AGPAT3: variants seen among roughly 807,000 people sequenced by gnomAD.
AGPAT3 encodes the protein 1-acyl-sn-glycerol-3-phosphate acyltransferase gamma.
Under a neutral mutation model 47.3 loss-of-function variants are expected in AGPAT3, and 5 were observed. The observed-to-expected ratio is 0.11, with a 90% CI of 0.06 to 0.22. AGPAT3 has a LOEUF of 0.22. Among genes scored for constraint, AGPAT3 ranks in the 10% least tolerant of loss-of-function variants. The pLI, the probability that AGPAT3 is intolerant of heterozygous loss-of-function variation, is 1.00. For missense variants in AGPAT3, 315 were observed against 493.0 expected, an observed-to-expected ratio of 0.64 and a Z score of 3.42; for synonymous variants, 212 against 208.3, an observed-to-expected ratio of 1.02 and a Z score of -0.15.
intron 2 of AGPAT3, among the ~76,000 whole-genome samples, chr21:43,943,222 C>T (rs769448436): frequency 2.0e-5 from 3 of 152,056 alleles, no homozygotes; most frequent in Non-Finnish European, 4.4e-5. Flanking sequence ...CTACAGGTGC[C>T]GGCCACCACG....
At chr21:43,909,388 C>T (rs551313538) in intron 2 of AGPAT3, among the ~76,000 whole-genome samples, 34 of 151,804 alleles carry the variant, frequency 2.2e-4, no homozygotes, top group African/African-American at 8.0e-4. Context: ...CTCCGTCTCC[C>T]GGGTTCACGC....
chr21:43,913,842 A>T (rs1340390719), intron 2 of AGPAT3, among the ~76,000 whole-genome samples: 1 of 152,212 alleles, frequency 6.6e-6, no homozygotes. Flanking sequence ...CGAGGTCGAG[A>T]GACCTCTAAT....
intron 2 of AGPAT3, among the ~76,000 whole-genome samples, chr21:43,940,513 G>A (rs2329629): frequency 6.6e-6 from 1 of 152,198 alleles, no homozygotes; most frequent in South Asian, 2.1e-4. Flanking sequence ...TCCCTCCTGG[G>A]GTCCTTGGGC....
intron 2 of AGPAT3, among the ~76,000 whole-genome samples, chr21:43,938,123 C>A (rs575415158): frequency 3.3e-5 from 5 of 151,054 alleles, no homozygotes; most frequent in African/African-American, 1.2e-4. Flanking sequence ...CACAGACACA[C>A]ACACACACAC....
intron 2 of AGPAT3, among the ~76,000 whole-genome samples, chr21:43,953,336 G>C (rs2088292170): frequency 6.6e-6 from 1 of 152,220 alleles, no homozygotes; most frequent in South Asian, 2.1e-4. Flanking sequence ...TATTCTGTCG[G>C]TATTCATTTC....
At chr21:43,921,384 A>C (rs1388758921) in intron 2 of AGPAT3, among the ~76,000 whole-genome samples, 1 of 152,134 alleles carries the variant, frequency 6.6e-6, no homozygotes, top group Non-Finnish European at 1.5e-5. Context: ...GCAAATGATC[A>C]AACTCAAGGA....
intron 2 of AGPAT3, among the ~76,000 whole-genome samples, chr21:43,958,549 GGTGTGTGTGGTGCGTGTGGC>G (rs977380769): frequency 4.0e-5 from 6 of 151,616 alleles, no homozygotes; most frequent in Non-Finnish European, 5.9e-5. Flanking sequence ...TGTGGTTTGT[GGTGTGTGTGGTGCGTGTGGC>G]GTGTGTGTGG....
chr21:43,964,079 G>A (rs940864285), intron 3 of AGPAT3, among the ~76,000 whole-genome samples: 31 of 151,986 alleles, frequency 2.0e-4, no homozygotes, highest in African/African-American at 6.3e-4. Flanking sequence ...AATCTAAACC[G>A]TATGTAAAAT....
intron 1 of AGPAT3, among the ~76,000 whole-genome samples, chr21:43,865,709 G>A (rs983704040): frequency 2.0e-5 from 3 of 151,532 alleles, no homozygotes; most frequent in African/African-American, 4.8e-5. Context: ...CCGGGCCGAG[G>A]GAGGGCGAGT....
At chr21:43,898,534 T>C (rs1346279256) in intron 1 of AGPAT3, among the ~76,000 whole-genome samples, 2 of 152,226 alleles carry the variant, frequency 1.3e-5, no homozygotes, top group Non-Finnish European at 2.9e-5. Flanking sequence ...TTAAATTCTT[T>C]TTTTTTCCCC....
intron 2 of AGPAT3, among the ~76,000 whole-genome samples, chr21:43,948,942 A>G (rs1325616280): frequency 1.3e-5 from 2 of 152,170 alleles, no homozygotes; most frequent in Admixed American, 6.5e-5. Flanking sequence ...TAGTCAGTGA[A>G]GCATTGACTC....
At chr21:43,894,242 T>A (rs1268577010) in intron 1 of AGPAT3, among the ~76,000 whole-genome samples, 1 of 151,086 alleles carries the variant, frequency 6.6e-6, no homozygotes, top group Admixed American at 6.6e-5. Context: ...TTAACTTCTC[T>A]AAAAGAGTTT....
chr21:43,971,528 T>C (rs1378978001), intron 7 of AGPAT3, 38 bp downstream of exon 7: 1 of 1,589,802 alleles, frequency 6.3e-7, no homozygotes, highest in Non-Finnish European at 8.6e-7. Context: ...CCGCCCCCCA[T>C]ACCTTCATGA....
rs1317986359 is a variant in AGPAT3 at position 43,952,654 on chromosome 21, G to T, written c.-48-6980G>T. Reference sequence around the variant, plus strand: ...CCAGGCTTCCGGGCAACCTAAATCTGTTGTTTAATGAAGACGCGCTGGCAC... The same window carrying T: ...CCAGGCTTCCGGGCAACCTAAATCTTTTGTTTAATGAAGACGCGCTGGCAC... On this transcript the variant is annotated intron_variant, in intron 2 of 9. Coordinates refer to ENST00000291572, the MANE Select transcript of AGPAT3 (RefSeq NM_020132.5). This position sits in a 1 kb window ranked among gnomAD's most constrained non-coding sequence, Gnocchi z 5.6. Among the ~76,000 whole-genome samples, 1 of 152,152 alleles carries T rather than the reference G, an allele frequency of 6.6e-6. No homozygotes were observed. The highest frequency in any genetic ancestry group is 1.5e-5 in the Non-Finnish European group (1 of 68,034).
At chr21:43,904,431 G>A (rs1022667717) in intron 2 of AGPAT3, among the ~76,000 whole-genome samples, 14 of 152,284 alleles carry the variant, frequency 9.2e-5, no homozygotes, top group African/African-American at 2.4e-4. Context: ...ACTGGGAGCC[G>A]TCTGTCTGGG....
chr21:43,969,004 C>A, intron 4 of AGPAT3, 114 bp from the exon 5 acceptor site: 1 of 1,133,472 alleles, frequency 8.8e-7, no homozygotes, highest in Non-Finnish European at 1.2e-6. Context: ...AGCCACAAAG[C>A]CGTGACTCCT....
intron 2 of AGPAT3, among the ~76,000 whole-genome samples, chr21:43,956,295 T>C (rs2088463760): frequency 6.6e-6 from 1 of 152,222 alleles, no homozygotes; most frequent in Non-Finnish European, 1.5e-5. Flanking sequence ...CTGCAGTGTG[T>C]CTGGGCGAGC....
intron 1 of AGPAT3, among the ~76,000 whole-genome samples, chr21:43,885,049 A>G (rs1601214567): frequency 6.6e-6 from 1 of 152,374 alleles, no homozygotes; most frequent in Admixed American, 6.5e-5. Flanking sequence ...ATGTGCTTCA[A>G]TGCAGTGACG....
intron 7 of AGPAT3, 116 bp downstream of exon 7, chr21:43,971,606 G>A: frequency 1.1e-6 from 1 of 922,424 alleles, no homozygotes; most frequent in East Asian, 2.5e-5. Flanking sequence ...CCCGCAGGGT[G>A]GAACTCACAC....
Sources: allele counts gnomAD v4.1 joint callset (sites outside exome capture counted in the v4.1 genomes callset), GRCh38; gene constraint gnomAD v4.1.1; non-coding constraint Gnocchi (gnomAD v3.1); transcripts MANE v1.5; gene names NCBI Gene and HGNC (gene_info 2026-07-23, HGNC 2026-07-21).